The following STEAP3 variants were observed in gnomAD, a reference collection of about 807,000 sequenced individuals.
The protein encoded by STEAP3 is STEAP3 metalloreductase, also known as metalloreductase STEAP3.
STEAP3 carries 35 observed loss-of-function variants against 34.9 expected under a neutral mutation model. The observed-to-expected ratio is 1.00, with a 90% CI of 0.76 to 1.33. The LOEUF (loss-of-function observed/expected upper bound fraction) is 1.33. Among genes scored for constraint, STEAP3 ranks in the 40% most tolerant of loss-of-function variants. STEAP3 has a pLI of 0.00. For missense variants in STEAP3, 652 were observed against 667.6 expected (o/e 0.98, Z 0.26); for synonymous variants, 281 against 301.6 (o/e 0.93, Z 0.71).
chr2:119,263,721 C>T lies in STEAP3; in HGVS notation c.*383C>T, dbSNP rs1325253236. ...GAAGAGGCTTGTGCTGTGGTGGGTT[C>T]GATTTATCCCTGCCCACCCCACCCC... On this transcript the variant is annotated 3_prime_UTR_variant, in exon 6 of 6. Coordinates refer to ENST00000393110, the MANE Select transcript of STEAP3 (RefSeq NM_182915.3). 9.0e-6 allele frequency: 3 copies of T among 332,504 alleles called. 1 individual carries two copies. The highest frequency in any genetic ancestry group is 5.0e-5 in the South Asian group (2 of 39,784). 20.6% of individuals were successfully genotyped at this position (332,504 alleles called of 1,614,324 possible). A position where few individuals can be genotyped will look rare whatever the true frequency, so the allele number is the denominator to read the frequency against.
chr2:119,257,997 G>T (rs1430666856), intron 5 of STEAP3, among the ~76,000 whole-genome samples: 1 of 152,216 alleles, frequency 6.6e-6, no homozygotes, highest in African/African-American at 2.4e-5. Flanking sequence ...CATAGTCAGA[G>T]CAGCGGCATG....
At chr2:119,262,169 A>G (rs1445645840) in intron 5 of STEAP3, among the ~76,000 whole-genome samples, 2 of 152,172 alleles carry the variant, frequency 1.3e-5, no homozygotes, top group Non-Finnish European at 2.9e-5. Flanking sequence ...TGCCATCTGT[A>G]AATTATTTAC....
intron 2 of STEAP3, 199 bp from the exon 3 acceptor site, chr2:119,245,290 C>A: frequency 1.5e-6 from 1 of 670,296 alleles, no homozygotes; most frequent in African/African-American, 1.8e-5. Flanking sequence ...CCTGCTCTTC[C>A]TGAGTCTGTG....
chr2:119,252,329 C>CAT (rs1677649728), intron 4 of STEAP3, among the ~76,000 whole-genome samples: 1 of 152,214 alleles, frequency 6.6e-6, no homozygotes, highest in African/African-American at 2.4e-5. Flanking sequence ...GAGTCAGCGT[C>CAT]AGAATCCAGG....
intron 2 of STEAP3, among the ~76,000 whole-genome samples, chr2:119,242,891 G>A (rs1446882180): frequency 6.6e-6 from 1 of 152,164 alleles, no homozygotes; most frequent in Non-Finnish European, 1.5e-5. Flanking sequence ...GTAGGGACCT[G>A]GTGCAGACCC....
At chr2:119,260,531 G>A (rs1229063097) in intron 5 of STEAP3, among the ~76,000 whole-genome samples, 1 of 152,108 alleles carries the variant, frequency 6.6e-6, no homozygotes, top group Admixed American at 6.6e-5. Context: ...CCCAACCTCA[G>A]GTGATCTGCC....
intron 5 of STEAP3, among the ~76,000 whole-genome samples, chr2:119,255,902 C>T (rs957626138): frequency 6.6e-6 from 1 of 152,202 alleles, no homozygotes; most frequent in Non-Finnish European, 1.5e-5. Context: ...ACAAGACAGG[C>T]AGAGCCATCT....
At chr2:119,231,351 G>A (rs1285739408) in intron 2 of STEAP3, among the ~76,000 whole-genome samples, 2 of 27,238 alleles carry the variant, frequency 7.3e-5, no homozygotes, top group Middle Eastern at 0.029. Flanking sequence ...GCGTGTGTGT[G>A]TGTGTGTGTG....
intron 5 of STEAP3, among the ~76,000 whole-genome samples, chr2:119,260,447 C>T (rs1157256720): frequency 1.3e-5 from 2 of 152,084 alleles, no homozygotes; most frequent in South Asian, 2.1e-4. Context: ...TGCGCCACCA[C>T]ACCTGGCTAA....
Position 119,223,886 on chromosome 2 carries a change from G to A in STEAP3, c.-396G>A, listed in dbSNP as rs1290364144. On this transcript the variant is annotated splice_region_variant and 5_prime_UTR_variant, in exon 1 of 6. Transcript: ENST00000393110. The stretch of plus-strand genomic sequence containing the variant: ...CGGTCGCTCCGAGCGGCGGGCCGCA[G>A]AGGTGAGTGTACCCTCCCCCGGTCT... 1 of 152,238 alleles carries A rather than the reference G, an allele frequency of 6.6e-6. No homozygotes were observed. Among genetic ancestry groups the A allele is most frequent in the African/African-American group, 2.4e-5 (1 of 41,464 alleles). 9.4% of individuals were successfully genotyped at this position (152,238 alleles called of 1,614,324 possible).
Position 119,245,653 on chromosome 2 carries a change from A to C in STEAP3, c.187A>C (p.Lys63Gln), listed in dbSNP as rs1253633846. ...CACACGCCTGGTGGGCTCTGGCTTC[A>C]AAGTGGTGGTGGGGAGCCGCAACCC... ...LATRLVGSGFKVVVGSRNPKR... is the reference protein window; with the variant it reads ...LATRLVGSGFQVVVGSRNPKR... Residue 63 changes from lysine to glutamine, a missense_variant, in exon 3 of 6, where the codon AAA (lysine) becomes CAA (glutamine). Physicochemically the swap from Lys to Gln is moderately conservative, Grantham distance 53. Coordinates refer to ENST00000393110, the MANE Select transcript of STEAP3 (RefSeq NM_182915.3). 3 of 1,612,142 alleles carry C rather than the reference A, an allele frequency of 1.9e-6. No homozygotes were observed. The highest frequency in any genetic ancestry group is 2.5e-6 in the Non-Finnish European group (3 of 1,178,332).
intron 2 of STEAP3, among the ~76,000 whole-genome samples, chr2:119,241,573 G>T (rs1253652203): frequency 6.6e-6 from 1 of 152,222 alleles, no homozygotes; most frequent in African/African-American, 2.4e-5. Context: ...AGACTGCTGG[G>T]GATGAAAGGG....
At position 119,247,888 on chromosome 2, in the gene STEAP3, C is replaced by G. The variant is rs150281159; in HGVS notation, c.732C>G (p.Asp244Glu). 4 of 1,613,780 alleles carry G rather than the reference C, an allele frequency of 2.5e-6. No homozygotes were observed. Among genetic ancestry groups the G allele is most frequent in the South Asian group, 1.1e-5 (1 of 91,088 alleles). ...TCTATGCCTACAACTTCGTCCGGGA[C>G]GTTCTGCAGCCCTATGTGCAGGAAA... ...VCFYAYNFVR[D>E]VLQPYVQESQ... is the part of the protein sequence containing the mutation. The change falls in exon 4 of 6, where the codon GAC becomes GAG. Residue 244 changes from aspartate (D) to glutamate (E), a missense_variant. By Grantham distance (45) the Asp-to-Glu change is conservative. Coordinates refer to ENST00000393110, the MANE Select transcript of STEAP3 (RefSeq NM_182915.3).
At chr2:119,262,948 A>T in intron 5 of STEAP3, 109 bp from the exon 6 acceptor site, 1 of 1,480,200 alleles carries the variant, frequency 6.8e-7, no homozygotes, top group Non-Finnish European at 9.2e-7. Flanking sequence ...AGCGGTGAGT[A>T]CTAAAGCCAC....
intron 2 of STEAP3, among the ~76,000 whole-genome samples, chr2:119,235,967 C>A (rs568688033): frequency 5.9e-5 from 9 of 152,178 alleles, no homozygotes; most frequent in Non-Finnish European, 1.2e-4. Context: ...CTCTTCCCTC[C>A]ACCCCAGATC....
At chr2:119,224,380 G>A (rs1230305125) in intron 1 of STEAP3, among the ~76,000 whole-genome samples, 1 of 152,232 alleles carries the variant, frequency 6.6e-6, no homozygotes, top group African/African-American at 2.4e-5. Flanking sequence ...GGGCTGGGCA[G>A]GGGCGCCCGA....
At chr2:119,234,234 A>G (rs1267083050) in intron 2 of STEAP3, among the ~76,000 whole-genome samples, 2 of 152,180 alleles carry the variant, frequency 1.3e-5, no homozygotes, top group East Asian at 3.9e-4. Context: ...TGATTCAGCA[A>G]ATCCTGTGCC....
At position 119,264,008 on chromosome 2, in the gene STEAP3, G is replaced by T. The variant is rs73948634; in HGVS notation, c.*670G>T. Reference sequence around the variant, plus strand: ...CTGCTCCACCTCATCCTTGCTGAGTGGGGGAGACATTTTCCCTGAAAGTCA... The same window carrying T: ...CTGCTCCACCTCATCCTTGCTGAGTTGGGGAGACATTTTCCCTGAAAGTCA... On this transcript the variant is annotated 3_prime_UTR_variant, in exon 6 of 6. Coordinates refer to ENST00000393110, the MANE Select transcript of STEAP3 (RefSeq NM_182915.3). 8,669 of 156,470 alleles carry T rather than the reference G, an allele frequency of 0.055. 305 individuals carry two copies. Among genetic ancestry groups the T allele is most frequent in the African/African-American group, 0.072 (2,993 of 41,528 alleles). The allele number at this position is 156,470 out of a possible 1,614,324, so 9.7% of individuals were successfully genotyped here.
intron 2 of STEAP3, among the ~76,000 whole-genome samples, chr2:119,232,140 A>G (rs943015193): frequency 6.6e-6 from 1 of 152,156 alleles, no homozygotes; most frequent in African/African-American, 2.4e-5. Context: ...AAAGCAGAAG[A>G]CACCAGAGTC....
Sources: gnomAD v4.1 joint callset for allele counts (sites outside exome capture counted in the v4.1 genomes callset) on GRCh38, gnomAD v4.1.1 for gene constraint, MANE v1.5 for transcripts, NCBI Gene and HGNC (gene_info 2026-07-23, HGNC 2026-07-21) for gene names.